Variants in SF3B2 observed in about 807,000 individuals in gnomAD.
SF3B2 encodes the protein splicing factor 3b subunit 2.
A neutral mutation model predicts 116.3 loss-of-function variants in SF3B2; 22 were observed. The observed-to-expected ratio is 0.19, with a 90% confidence interval of 0.14 to 0.27. SF3B2 has a LOEUF of 0.27. SF3B2 is among the 10% of genes least tolerant of loss of function. The pLI is 1.00. For synonymous variants in SF3B2, 406 were observed against 421.6 expected, an observed-to-expected ratio of 0.96 and a Z score of 0.45; for missense variants, 767 against 1,151.4, an observed-to-expected ratio of 0.67 and a Z score of 4.83.
Position 66,069,276 on chromosome 11 carries a change from A to C in SF3B2, c.*531A>C, listed in dbSNP as rs964009463. On this transcript the variant is annotated 3_prime_UTR_variant, in exon 22 of 22. Coordinates refer to ENST00000322535, the MANE Select transcript of SF3B2 (RefSeq NM_006842.3). ...AAGTTCAAGTCCTTACCTGTGCGACAACATAGCTCAAAAGCTAAATTGTCT... is the reference window on the plus strand; with the variant it reads ...AAGTTCAAGTCCTTACCTGTGCGACCACATAGCTCAAAAGCTAAATTGTCT... 85 of 423,830 alleles carry C rather than the reference A, an allele frequency of 2.0e-4. No individual in the cohort carries two copies. Among genetic ancestry groups the C allele is most frequent in the African/African-American group, 1.6e-3 (80 of 49,482 alleles). The allele number at this position is 423,830 out of a possible 1,614,324, so 26.3% of individuals were successfully genotyped here. A position where few individuals can be genotyped will look rare whatever the true frequency, so the allele number is the denominator to read the frequency against.
At chr11:66,055,457 G>C in intron 4 of SF3B2, 78 bp from the exon 5 acceptor site, 1 of 1,599,956 alleles carries the variant, frequency 6.3e-7, no homozygotes, top group East Asian at 2.2e-5. Flanking sequence ...GACTGGAAGA[G>C]GATCTCAAGA....
rs757168089 is a variant in SF3B2, at chr11:66,057,299, C to T, written c.701C>T (p.Pro234Leu). 1.2e-6 allele frequency: 2 copies of T among 1,610,436 alleles called. No homozygotes were observed. Among genetic ancestry groups the T allele is most frequent in the South Asian group, 2.2e-5 (2 of 91,030 alleles). Reference sequence around the variant, plus strand: ...CCAGTGGGCCCAGTGGGCCCCACTCCTACAGTTTTGCCCATGGGAGCCCCT... The same window carrying T: ...CCAGTGGGCCCAGTGGGCCCCACTCTTACAGTTTTGCCCATGGGAGCCCCT... The part of the protein sequence containing the change: ...AAPVGPVGPT[P>L]TVLPMGAPVP... Residue 234 changes from proline to leucine, a missense_variant, in exon 7 of 22, where the codon CCT becomes CTT. Pro to Leu is a moderately conservative substitution (Grantham distance 98). Coordinates refer to ENST00000322535, the MANE Select transcript of SF3B2 (RefSeq NM_006842.3).
At chr11:66,057,156 C>T (rs891650206) in intron 6 of SF3B2, 110 bp from the exon 7 acceptor site, 28 of 888,308 alleles carry the variant, frequency 3.2e-5, no homozygotes, top group East Asian at 4.8e-5. Flanking sequence ...AGCCACGCCA[C>T]GTGCCCTCCT....
chr11:66,064,433 T>C (rs983056783), intron 19 of SF3B2, among the ~76,000 whole-genome samples: 1 of 152,230 alleles, frequency 6.6e-6, no homozygotes, highest in African/African-American at 2.4e-5. Flanking sequence ...CATTATAGTA[T>C]ACTTCATTTC....
intron 21 of SF3B2, 61 bp from the exon 22 acceptor site, chr11:66,068,613 G>A: frequency 6.9e-7 from 1 of 1,450,656 alleles, no homozygotes; most frequent in Non-Finnish European, 9.6e-7. Flanking sequence ...GCCCACCCTT[G>A]TTTTGGGGGT....
intron 3 of SF3B2, chr11:66,053,494 CAT>C (rs1215768741): frequency 4.4e-6 from 1 of 228,400 alleles, no homozygotes; most frequent in African/African-American, 2.3e-5. Context: ...GCCTGGGCAA[CAT>C]AGTGAGACTC....
chr11:66,055,733 T>G, intron 5 of SF3B2, 148 bp downstream of exon 5: 1 of 692,702 alleles, frequency 1.4e-6, no homozygotes. Flanking sequence ...CAATTTTTCT[T>G]GAAGTTCAGG....
At position 66,059,212 on chromosome 11, in the gene SF3B2, T is replaced by C; in HGVS notation, c.1194T>C (p.Asp398=). The C allele has an allele frequency of 6.2e-7, 1 of 1,613,922 alleles. No homozygotes were observed. The highest frequency in any genetic ancestry group is 8.5e-7 in the Non-Finnish European group (1 of 1,180,004). ...RIFEAFKLTD[D]VKKEKEKEPE... is the part of the protein sequence containing the mutation. ...GTCTGCCTCCTTAGCTCACTGATGA[T>C]GTGAAGAAGGAGAAAGAGAAGGAGC... The change falls in exon 11 of 22, where the codon GAT becomes GAC. Residue 398 remains aspartate (D), a synonymous_variant. Coordinates refer to ENST00000322535, the MANE Select transcript of SF3B2 (RefSeq NM_006842.3). The surrounding 1 kb of genome is among the most constrained non-coding windows in gnomAD (Gnocchi z 5.0).
chr11:66,052,522 G>A lies in SF3B2; in HGVS notation c.133+5G>A. On this transcript the variant is annotated splice_donor_5th_base_variant and intron_variant, in intron 1 of 21. Transcript: ENST00000322535. Reference sequence around the variant, plus strand: ...AGATCGGAGCTCCGATCCAGGGTGAGGAACACAGGAAGTCGAGGGGCCTTT... The same window carrying A: ...AGATCGGAGCTCCGATCCAGGGTGAAGAACACAGGAAGTCGAGGGGCCTTT... 6.2e-7 allele frequency: 1 copy of A among 1,610,668 alleles called. No homozygotes were observed. Among genetic ancestry groups the A allele is most frequent in the Non-Finnish European group, 8.5e-7 (1 of 1,177,978 alleles).
At chr11:66,055,654 G>C in intron 5 of SF3B2, 69 bp downstream of exon 5, 1 of 1,418,858 alleles carries the variant, frequency 7.0e-7, no homozygotes, top group Non-Finnish European at 9.9e-7. Flanking sequence ...AGTGCTTAGA[G>C]TGCACCATTC....
In SF3B2 at chr11:66,057,073, G is replaced by GT. The variant is rs1857011376; in HGVS notation, c.667+124dup. 9 of 857,634 alleles carry GT rather than the reference G, an allele frequency of 1.0e-5. No individual in the cohort carries two copies. The South Asian group carries it at 1.3e-4, about 12-fold the overall frequency. The allele number at this position is 857,634 out of a possible 1,614,324, so 53.1% of individuals were successfully genotyped here. A position where few individuals can be genotyped will look rare whatever the true frequency, so the allele number is the denominator to read the frequency against. ...TATATAGTAAATATATAGTTTAATG[G>GT]TTTTTTACACACTGAACACACCTGT... On this transcript the variant is annotated intron_variant, in intron 6 of 21. Coordinates refer to ENST00000322535, the MANE Select transcript of SF3B2 (RefSeq NM_006842.3).
rs371893866 is a variant in SF3B2, at chr11:66,058,299, C to T, written c.875-15C>T. 6 of 1,610,146 alleles carry T rather than the reference C, an allele frequency of 3.7e-6. No individual in the cohort carries two copies. Among genetic ancestry groups the T allele is most frequent in the South Asian group, 1.1e-5 (1 of 91,008 alleles). On this transcript the variant is annotated splice_polypyrimidine_tract_variant and intron_variant, in intron 8 of 21. Coordinates refer to ENST00000322535, the MANE Select transcript of SF3B2 (RefSeq NM_006842.3). ...GTGGCACCGTGAAGACTCATCACCA[C>T]CTTCTTCCTTACAGAGGAAGAGGAA...
At chr11:66,067,695 G>T (rs1857212179) in intron 19 of SF3B2, 1 of 517,378 alleles carries the variant, frequency 1.9e-6, no homozygotes, top group Non-Finnish European at 3.5e-6. Flanking sequence ...GCATGTGGGA[G>T]TCCTGGTCTG....
Position 66,069,152 on chromosome 11 carries a change from G to A in SF3B2, c.*407G>A. 3 of 355,234 alleles carry A rather than the reference G, an allele frequency of 8.4e-6. No individual in the cohort carries two copies. Among genetic ancestry groups the A allele is most frequent in the South Asian group, 4.3e-5 (2 of 46,430 alleles). The allele number at this position is 355,234 out of a possible 1,614,324, so 22.0% of individuals were successfully genotyped here. A position where few individuals can be genotyped will look rare whatever the true frequency, so the allele number is the denominator to read the frequency against. ...GACCTTACTACTTTGTCCTTGGGGA[G>A]TAAAAATAGCCAGATTAGCGCCCTA... On this transcript the variant is annotated 3_prime_UTR_variant, in exon 22 of 22. Coordinates refer to ENST00000322535, the MANE Select transcript of SF3B2 (RefSeq NM_006842.3).
At chr11:66,055,858 G>C (rs910355792) in intron 5 of SF3B2, 2 of 448,276 alleles carry the variant, frequency 4.5e-6, no homozygotes, top group African/African-American at 4.0e-5. Flanking sequence ...ACCAGAGTCT[G>C]TACAGCAACC....
At chr11:66,058,019 G>A in intron 7 of SF3B2, 35 bp from the exon 8 acceptor site, 1 of 1,404,478 alleles carries the variant, frequency 7.1e-7, no homozygotes, top group Non-Finnish European at 9.8e-7. Context: ...AAAGGGCACT[G>A]TGATTTGCCT....
intron 19 of SF3B2, chr11:66,067,303 C>T: frequency 2.4e-6 from 1 of 414,550 alleles, no homozygotes; most frequent in Non-Finnish European, 4.8e-6. Context: ...GGATTTTATT[C>T]AGATAATGAT....
At chr11:66,060,779 C>T (rs1364341042) in intron 14 of SF3B2, 48 bp downstream of exon 14, 8 of 1,561,226 alleles carry the variant, frequency 5.1e-6, no homozygotes, top group Non-Finnish European at 7.0e-6. Flanking sequence ...GGGGTTGAGA[C>T]TGTCTAGGGC....
In SF3B2 at chr11:66,058,357, G is replaced by A. The variant is rs770937280; in HGVS notation, c.918G>A (p.Gln306=). ...CAGATGCTCGCTCGTCCCTGGGCCA[G>A]TCAGCGTCAGAGACTGAGGAGGACA... is the stretch of plus-strand genomic sequence containing the variant. ...METDARSSLG[Q]SASETEEDTV... The change falls in exon 9 of 22, where the codon CAG becomes CAA. Residue 306 remains glutamine (Q), a synonymous_variant. Coordinates refer to ENST00000322535, the MANE Select transcript of SF3B2 (RefSeq NM_006842.3). The A allele has an allele frequency of 5.6e-6, 9 of 1,614,132 alleles. No individual in the cohort carries two copies. The highest frequency in any genetic ancestry group is 6.8e-6 in the Non-Finnish European group (8 of 1,180,018).
Sources: allele counts gnomAD v4.1 joint callset (sites outside exome capture counted in the v4.1 genomes callset), GRCh38; gene constraint gnomAD v4.1.1; non-coding constraint Gnocchi (gnomAD v3.1); transcripts MANE v1.5; gene names NCBI Gene and HGNC (gene_info 2026-07-23, HGNC 2026-07-21).